The following ASB4 variants were observed in gnomAD, a reference collection of about 807,000 sequenced individuals.
The protein encoded by ASB4 is ankyrin repeat and SOCS box containing 4.
Under a neutral mutation model 38.6 loss-of-function variants are expected in ASB4, and 35 were observed. That is an observed-to-expected ratio of 0.91 (90% CI 0.69 to 1.20). ASB4 has a LOEUF of 1.20. Among genes scored for constraint, ASB4 ranks in the 50% most tolerant of loss-of-function variants. The pLI is 0.00. For synonymous variants in ASB4, 195 were observed against 201.3 expected (o/e 0.97, Z 0.26); for missense variants, 557 against 527.2 (o/e 1.06, Z -0.55).
At chr7:95,501,831 T>G (rs1790342849) in intron 2 of ASB4, among the ~76,000 whole-genome samples, 1 of 152,134 alleles carries the variant, frequency 6.6e-6, no homozygotes, top group Non-Finnish European at 1.5e-5. Flanking sequence ...GGGCAATGCT[T>G]GTAGGCTGAC....
intron 2 of ASB4, among the ~76,000 whole-genome samples, chr7:95,523,760 A>G (rs1324550812): frequency 2.0e-5 from 3 of 152,198 alleles, no homozygotes; most frequent in African/African-American, 7.2e-5. Flanking sequence ...TTTTGGAAAA[A>G]ATCAGCACAG....
intron 3 of ASB4, chr7:95,528,527 G>C (rs1790777440): frequency 7.0e-7 from 1 of 1,427,966 alleles, no homozygotes; most frequent in African/African-American, 1.4e-5. Context: ...AAAAAGAGTA[G>C]CAAATAATTT....
chr7:95,527,855 C>T lies in ASB4; in HGVS notation c.530C>T (p.Thr177Met), dbSNP rs1584092132. The T allele has an allele frequency of 6.2e-7, 1 of 1,610,064 alleles. No homozygotes were observed. The highest frequency in any genetic ancestry group is 8.5e-7 in the Non-Finnish European group (1 of 1,176,938). Residue 177 changes from threonine to methionine, a missense_variant, in exon 3 of 5, where the codon ACG becomes ATG. Physicochemically the swap from Thr to Met is moderately conservative, Grantham distance 81 (BLOSUM62 -1). Transcript: ENST00000325885. ...AAGACCAACAACCAAGATGAGGAGA[C>T]GCCCTTGCACACGGCTGCCCACTTC... ...NMKTNNQDEE[T>M]PLHTAAHFGL...
intron 2 of ASB4, among the ~76,000 whole-genome samples, chr7:95,525,156 G>A (rs1021087876): frequency 1.3e-5 from 2 of 152,136 alleles, no homozygotes; most frequent in Non-Finnish European, 2.9e-5. Flanking sequence ...ATCACCAGAA[G>A]GTAGGAGAGA....
chr7:95,505,832 T>G (rs2116607827), intron 2 of ASB4, among the ~76,000 whole-genome samples: 1 of 152,262 alleles, frequency 6.6e-6, no homozygotes, highest in Admixed American at 6.5e-5. Context: ...TTCTTTTGCT[T>G]AATTTTCTAC....
At chr7:95,489,679 G>A (rs535782158) in intron 1 of ASB4, among the ~76,000 whole-genome samples, 7 of 152,262 alleles carry the variant, frequency 4.6e-5, no homozygotes, top group African/African-American at 1.7e-4. Context: ...TTTACCAGAT[G>A]ATCACTTTAA....
rs1159503262 is a variant in ASB4 at position 95,539,109 on chromosome 7, A to G, written c.*1350A>G. ...GCTATAATCACTTTTAGATAAGCTCATTGCTCTTAGCATCATTTTTTAGAG... is the reference window on the plus strand; with the variant it reads ...GCTATAATCACTTTTAGATAAGCTCGTTGCTCTTAGCATCATTTTTTAGAG... On this transcript the variant is annotated 3_prime_UTR_variant, in exon 5 of 5. Coordinates refer to ENST00000325885, the MANE Select transcript of ASB4 (RefSeq NM_016116.3). 1 of 151,938 alleles carries G rather than the reference A, an allele frequency of 6.6e-6. No individual in the cohort carries two copies. The highest frequency in any genetic ancestry group is 1.5e-5 in the Non-Finnish European group (1 of 68,022). 9.4% of individuals were successfully genotyped at this position (151,938 alleles called of 1,614,324 possible).
intron 3 of ASB4, among the ~76,000 whole-genome samples, chr7:95,534,331 A>G (rs1401027374): frequency 7.2e-6 from 1 of 138,788 alleles, no homozygotes; most frequent in Non-Finnish European, 1.6e-5. Context: ...CTAAAAACGT[A>G]AAACTCCATT....
chr7:95,509,057 A>G (rs1404842984), intron 2 of ASB4, among the ~76,000 whole-genome samples: 1 of 152,222 alleles, frequency 6.6e-6, no homozygotes, highest in Non-Finnish European at 1.5e-5. Flanking sequence ...CGGGGAGACC[A>G]GGAGATTGGG....
chr7:95,483,849 C>T (rs961690737), upstream of ASB4, among the ~76,000 whole-genome samples: 2 of 152,108 alleles, frequency 1.3e-5, no homozygotes, highest in African/African-American at 4.8e-5. Flanking sequence ...TTGCAAAGTG[C>T]TCCCTAAAAA....
At chr7:95,515,414 TTCTC>T (rs144123084) in intron 2 of ASB4, among the ~76,000 whole-genome samples, 8,297 of 134,098 alleles carry the variant, frequency 0.062, 466 homozygotes, top group Non-Finnish European at 0.077. Context: ...TCTTTTTCCT[TTCTC>T]TCTCTCTTTT....
At chr7:95,517,874 G>A (rs1019236763) in intron 2 of ASB4, among the ~76,000 whole-genome samples, 1 of 152,102 alleles carries the variant, frequency 6.6e-6, no homozygotes, top group African/African-American at 2.4e-5. Context: ...TAGCTAAAAG[G>A]GAGAAAAGAG....
intron 3 of ASB4, among the ~76,000 whole-genome samples, chr7:95,531,326 A>G (rs560205669): frequency 3.3e-5 from 5 of 152,328 alleles, no homozygotes; most frequent in African/African-American, 1.2e-4. Flanking sequence ...AGACAAAAAC[A>G]TCTACCTCTG....
chr7:95,509,519 G>A (rs1388058569), intron 2 of ASB4, among the ~76,000 whole-genome samples: 1 of 152,170 alleles, frequency 6.6e-6, no homozygotes, highest in Admixed American at 6.6e-5. Flanking sequence ...GCACATTCAT[G>A]TTAAGCAGAG....
At chr7:95,515,201 C>CTTTCTT (rs1364120073) in intron 2 of ASB4, among the ~76,000 whole-genome samples, 1 of 128,278 alleles carries the variant, frequency 7.8e-6, no homozygotes, top group Non-Finnish European at 1.6e-5. Flanking sequence ...TTCTTTCTTT[C>CTTTCTT]TTTCTTTCTT....
At chr7:95,482,172 G>A (rs900131592), upstream of ASB4, among the ~76,000 whole-genome samples, 1 of 152,138 alleles carries the variant, frequency 6.6e-6, no homozygotes, top group Non-Finnish European at 1.5e-5. Context: ...TTGATTTTTA[G>A]CAGAATTATA....
intron 1 of ASB4, among the ~76,000 whole-genome samples, chr7:95,480,647 T>G (rs1790014812): frequency 6.6e-6 from 1 of 152,206 alleles, no homozygotes; most frequent in South Asian, 2.1e-4. Context: ...ACTTGTTAGC[T>G]AAGTGACTGA....
At chr7:95,492,707 T>C (rs1790189782) in intron 1 of ASB4, among the ~76,000 whole-genome samples, 1 of 152,212 alleles carries the variant, frequency 6.6e-6, no homozygotes, top group Non-Finnish European at 1.5e-5. Flanking sequence ...TTCCAATCAG[T>C]TGTCACAGAG....
chr7:95,485,426 A>G (rs553279920), upstream of ASB4, among the ~76,000 whole-genome samples: 206 of 152,178 alleles, frequency 1.4e-3, no homozygotes, highest in Non-Finnish European at 2.6e-3. Flanking sequence ...TTTCAAGTCT[A>G]GGTCACTTGA....
Sources: gnomAD v4.1 joint callset for allele counts (sites outside exome capture counted in the v4.1 genomes callset) on GRCh38, gnomAD v4.1.1 for gene constraint, MANE v1.5 for transcripts, NCBI Gene and HGNC (gene_info 2026-07-23, HGNC 2026-07-21) for gene names.